NID2: variants seen among roughly 807,000 people sequenced by gnomAD.
NID2 encodes the protein nidogen-2.
Under a neutral mutation model 145.4 loss-of-function variants are expected in NID2, and 83 were observed. The observed-to-expected ratio is 0.57, with a 90% CI of 0.48 to 0.69. The LOEUF (loss-of-function observed/expected upper bound fraction) is 0.69. Among genes scored for constraint, NID2 ranks in the 30% least tolerant of loss-of-function variants. The pLI, the probability that NID2 is intolerant of heterozygous loss-of-function variation, is 0.00. For missense variants in NID2, 1,807 were observed against 1,765.7 expected, an observed-to-expected ratio of 1.02 and a Z score of -0.42; for synonymous variants, 739 against 701.3, an observed-to-expected ratio of 1.05 and a Z score of -0.85.
chr14:52,068,060 G>A lies in NID2; in HGVS notation c.332C>T (p.Ala111Val). 1 of 1,613,698 alleles carries A rather than the reference G, an allele frequency of 6.2e-7. No individual in the cohort carries two copies. Among genetic ancestry groups the A allele is most frequent in the South Asian group, 1.1e-5 (1 of 91,036 alleles). Residue 111 changes from alanine to valine, a missense_variant, in exon 2 of 22, where the codon GCG becomes GTG. Coordinates refer to ENST00000216286, the MANE Select transcript of NID2 (RefSeq NM_007361.4). ...TCTGCCGTGGCTCGTGTCGATGTCC[G>A]CCAGAAAAGGGGCGATGGCCGGGAA... ...TDFPAIAPFL[A>V]DIDTSHGRGR...
chr14:52,043,150 G>T (rs1892348782), intron 5 of NID2, among the ~76,000 whole-genome samples: 2 of 152,208 alleles, frequency 1.3e-5, no homozygotes, highest in Admixed American at 1.3e-4. Flanking sequence ...CCATTGCAGA[G>T]TTGGTGAACT....
intron 5 of NID2, among the ~76,000 whole-genome samples, chr14:52,046,215 C>G (rs576072461): frequency 6.8e-6 from 1 of 147,570 alleles, no homozygotes; most frequent in African/African-American, 2.5e-5. Flanking sequence ...CCCAGCTACT[C>G]GGGAGGCTGA....
At chr14:52,056,170 A>C (rs1043190127) in intron 3 of NID2, among the ~76,000 whole-genome samples, 1 of 152,228 alleles carries the variant, frequency 6.6e-6, no homozygotes, top group Admixed American at 6.5e-5. Flanking sequence ...GTTTATTATC[A>C]CATTAGAGGT....
chr14:52,029,747 C>CAGAT (rs34199367), intron 9 of NID2, 57 bp from the exon 10 acceptor site: 107,455 of 1,514,742 alleles, frequency 0.071, 4,263 homozygotes, highest in Middle Eastern at 0.12. Flanking sequence ...GCAAATGTCA[C>CAGAT]GGAGATAGAG....
chr14:52,046,062 AC>A (rs1344337399), intron 5 of NID2, among the ~76,000 whole-genome samples: 1 of 152,138 alleles, frequency 6.6e-6, no homozygotes, highest in East Asian at 1.9e-4. Context: ...GGCAGCTCAC[AC>A]CTGTAATCCC....
At chr14:52,052,312 C>A (rs1431050411) in intron 5 of NID2, among the ~76,000 whole-genome samples, 1 of 152,186 alleles carries the variant, frequency 6.6e-6, no homozygotes, top group Non-Finnish European at 1.5e-5. Flanking sequence ...TCTACCCATC[C>A]TCCACCCCAT....
Position 52,060,362 on chromosome 14 carries a change from AG to A in NID2, c.535-7del, listed in dbSNP as rs1329317960. On this transcript the variant is annotated splice_region_variant and splice_polypyrimidine_tract_variant and intron_variant, in intron 2 of 21. Transcript: ENST00000216286. ...ACTGCCTGGAAAGTGTTCAGCTGTG[AG>A]GAAAAAAAAAAAAAAAGAGAGAGAG... 7.2e-5 allele frequency: 70 copies of A among 978,974 alleles called. No homozygotes were observed. Among genetic ancestry groups the A allele is most frequent in the Admixed American group, 5.8e-4 (17 of 29,168 alleles). The allele number at this position is 978,974 out of a possible 1,614,324, so 60.6% of individuals were successfully genotyped here.
At chr14:52,062,652 G>C (rs1295572380) in intron 2 of NID2, among the ~76,000 whole-genome samples, 1 of 152,150 alleles carries the variant, frequency 6.6e-6, no homozygotes, top group Non-Finnish European at 1.5e-5. Context: ...AGATAGGAGA[G>C]AATCCTGGTT....
chr14:52,068,252 G>A, intron 1 of NID2, 89 bp from the exon 2 acceptor site: 4 of 1,294,296 alleles, frequency 3.1e-6, no homozygotes, highest in Non-Finnish European at 4.4e-6. Flanking sequence ...ACTGACTTAG[G>A]CAAAAAGCCT....
chr14:52,025,420 T>G (rs1891556826), intron 12 of NID2, among the ~76,000 whole-genome samples: 1 of 152,208 alleles, frequency 6.6e-6, no homozygotes, highest in South Asian at 2.1e-4. Flanking sequence ...GTCCATAGTC[T>G]TCTTACATTA....
chr14:52,030,377 C>A lies in NID2; in HGVS notation c.2258-687G>T, dbSNP rs182230771. On this transcript the variant is annotated intron_variant, in intron 9 of 21. Transcript: ENST00000216286. ...TTTTGGCTGAGCATGGTGGCTCATG[C>A]CTGTAATCCCAGCACTTTGGGAGGC... 5.3e-4 allele frequency among the ~76,000 whole-genome samples: 81 copies of A among 151,836 alleles called. 1 individual carries two copies. Among genetic ancestry groups the A allele is most frequent in the Middle Eastern group, 3.4e-3 (1 of 294 alleles).
At chr14:52,014,517 A>C (rs1891147591) in intron 15 of NID2, 61 bp from the exon 16 acceptor site, 1 of 1,520,296 alleles carries the variant, frequency 6.6e-7, no homozygotes, top group Admixed American at 2.0e-5. Context: ...AGATGGGAAG[A>C]AAAGTTACTT....
chr14:52,052,415 C>T (rs932757896), intron 5 of NID2, among the ~76,000 whole-genome samples: 6 of 152,312 alleles, frequency 3.9e-5, no homozygotes, highest in South Asian at 4.1e-4. Flanking sequence ...ACTTCACATA[C>T]GCTGTCTCAT....
At chr14:52,019,599 G>C (rs1891329826) in intron 13 of NID2, among the ~76,000 whole-genome samples, 1 of 152,154 alleles carries the variant, frequency 6.6e-6, no homozygotes, top group African/African-American at 2.4e-5. Context: ...ACAAGCCAAA[G>C]CTCATTCATG....
At chr14:52,028,245 C>T (rs1485190963) in intron 11 of NID2, among the ~76,000 whole-genome samples, 2 of 150,682 alleles carry the variant, frequency 1.3e-5, no homozygotes, top group Non-Finnish European at 2.9e-5. Flanking sequence ...AGGGCTGAAA[C>T]TGAGCCATAG....
chr14:52,051,608 C>G (rs1378544756), intron 5 of NID2, among the ~76,000 whole-genome samples: 1 of 152,228 alleles, frequency 6.6e-6, no homozygotes, highest in African/African-American at 2.4e-5. Flanking sequence ...AGACAGACCT[C>G]TGAGCCTCCA....
At chr14:52,024,255 T>G (rs1891502757) in intron 12 of NID2, among the ~76,000 whole-genome samples, 1 of 152,226 alleles carries the variant, frequency 6.6e-6, no homozygotes, top group African/African-American at 2.4e-5. Flanking sequence ...TTCAGTAACT[T>G]GCTTTTAATT....
At chr14:52,016,779 C>A (rs1205537234) in intron 14 of NID2, among the ~76,000 whole-genome samples, 5 of 152,184 alleles carry the variant, frequency 3.3e-5, no homozygotes, top group African/African-American at 1.2e-4. Flanking sequence ...TCACTCCGTT[C>A]AAAACCCTCC....
rs28680923 is a variant in NID2, at chr14:52,053,457, T to C, written c.1429+122A>G. The C allele has an allele frequency of 1.7e-3, 1,891 of 1,083,440 alleles. 24 individuals are homozygous for C. The African/African-American group carries it at 0.026, about 15-fold the overall frequency. 67.1% of individuals were successfully genotyped at this position (1,083,440 alleles called of 1,614,324 possible). A position where few individuals can be genotyped will look rare whatever the true frequency, so the allele number is the denominator to read the frequency against. On this transcript the variant is annotated intron_variant, in intron 5 of 21. Coordinates refer to ENST00000216286, the MANE Select transcript of NID2 (RefSeq NM_007361.4). ...TCTCTTGAAACACAGGGATTAAAAA[T>C]TAGATCCAATCTTCTTTTTGCTAAA...
Sources: allele counts gnomAD v4.1 joint callset (sites outside exome capture counted in the v4.1 genomes callset), GRCh38; gene constraint gnomAD v4.1.1; transcripts MANE v1.5; gene names NCBI Gene and HGNC (gene_info 2026-07-23, HGNC 2026-07-21).